Variants in PVT1 observed in about 807,000 individuals in gnomAD.
PVT1 encodes CXCR4/PVT1 fusion.
At chr8:127,848,349 G>A (rs1327697845) in intron 2 of PVT1, among the ~76,000 whole-genome samples, 1 of 151,806 alleles carries the variant, frequency 6.6e-6, no homozygotes, top group Non-Finnish European at 1.5e-5. Flanking sequence ...CCAGGAATTC[G>A]AGGCCAGCCT....
intron 3 of PVT1, among the ~76,000 whole-genome samples, chr8:127,897,651 C>CAGGA (rs1412868338): frequency 9.9e-6 from 1 of 101,324 alleles, no homozygotes; most frequent in Non-Finnish European, 2.0e-5. Flanking sequence ...GAAAGAAAGA[C>CAGGA]AGGAAGGAAG....
intron 2 of PVT1, among the ~76,000 whole-genome samples, chr8:127,883,018 T>C (rs567010727): frequency 6.6e-6 from 1 of 151,018 alleles, no homozygotes; most frequent in Admixed American, 6.6e-5. Context: ...CGCACACACA[T>C]GCCTGCACAC....
intron 3 of PVT1, among the ~76,000 whole-genome samples, chr8:127,930,766 G>A (rs1006692863): frequency 1.3e-5 from 2 of 151,716 alleles, no homozygotes; most frequent in African/African-American, 4.8e-5. Context: ...TACAGACTCC[G>A]CTGAGAACCC....
At chr8:127,869,835 G>T (rs1394579889) in intron 2 of PVT1, among the ~76,000 whole-genome samples, 1 of 152,080 alleles carries the variant, frequency 6.6e-6, no homozygotes, top group East Asian at 1.9e-4. Flanking sequence ...ATGGAGTCTC[G>T]CTCTGTCACT....
intron 3 of PVT1, among the ~76,000 whole-genome samples, chr8:127,941,382 C>A (rs756106517): frequency 7.2e-5 from 11 of 152,238 alleles, no homozygotes; most frequent in Non-Finnish European, 1.5e-4. Flanking sequence ...CAGGAAATTC[C>A]GACATGGGCA....
At chr8:128,031,162 T>A (rs1258159202) in intron 4 of PVT1, among the ~76,000 whole-genome samples, 1 of 151,678 alleles carries the variant, frequency 6.6e-6, no homozygotes, top group East Asian at 1.9e-4. Context: ...ACACCTGGAG[T>A]GGTTAGGAGG....
chr8:127,892,546 C>T (rs1481275769), intron 3 of PVT1, among the ~76,000 whole-genome samples: 2 of 152,166 alleles, frequency 1.3e-5, no homozygotes, highest in Non-Finnish European at 1.5e-5. Flanking sequence ...TACAGTTGAG[C>T]GCCTGGAGGC....
intron 3 of PVT1, among the ~76,000 whole-genome samples, chr8:127,944,412 C>T (rs1419099855): frequency 2.0e-5 from 3 of 152,180 alleles, no homozygotes; most frequent in African/African-American, 7.2e-5. Flanking sequence ...ATGGTGAGAC[C>T]TTGCCCAGCT....
intron 2 of PVT1, among the ~76,000 whole-genome samples, chr8:127,861,560 G>GT (rs11361006): frequency 0.017 from 2,473 of 149,240 alleles, 52 homozygotes; most frequent in African/African-American, 0.054. Flanking sequence ...TTTTTGACAT[G>GT]TTTTTTTTTT....
chr8:127,867,823 C>G (rs1815301211), intron 2 of PVT1, among the ~76,000 whole-genome samples: 1 of 152,054 alleles, frequency 6.6e-6, no homozygotes, highest in East Asian at 1.9e-4. Flanking sequence ...TCCCAGAGGC[C>G]CTAGGTCACT....
chr8:127,813,570 T>G (rs1349486033), intron 2 of PVT1, among the ~76,000 whole-genome samples: 1 of 152,108 alleles, frequency 6.6e-6, no homozygotes, highest in Non-Finnish European at 1.5e-5. Context: ...CTCCTCCCAC[T>G]CTAATAACAG....
chr8:127,817,904 T>C (rs1042248831), intron 2 of PVT1, among the ~76,000 whole-genome samples: 4 of 151,910 alleles, frequency 2.6e-5, no homozygotes, highest in African/African-American at 9.7e-5. Context: ...GTGTAGAGAT[T>C]AACTCGGAGC....
chr8:127,901,236 CT>C (rs926791873), intron 3 of PVT1, among the ~76,000 whole-genome samples: 1 of 152,126 alleles, frequency 6.6e-6, no homozygotes, highest in Non-Finnish European at 1.5e-5. Flanking sequence ...GGAAGTTGGG[CT>C]TGCTGCAGAG....
At chr8:127,832,091 T>C (rs1814856761) in intron 2 of PVT1, among the ~76,000 whole-genome samples, 1 of 150,628 alleles carries the variant, frequency 6.6e-6, no homozygotes, top group Admixed American at 6.6e-5. Context: ...ACGTCAAGTG[T>C]TTTTTTTTCA....
At chr8:127,913,223 G>A (rs912870055) in intron 3 of PVT1, among the ~76,000 whole-genome samples, 3 of 152,186 alleles carry the variant, frequency 2.0e-5, no homozygotes, top group African/African-American at 7.2e-5. Context: ...TGTTTTCATG[G>A]TGCCTGTGCC....
At chr8:128,056,060 CT>C (rs1424579530) in intron 4 of PVT1, among the ~76,000 whole-genome samples, 2 of 152,218 alleles carry the variant, frequency 1.3e-5, no homozygotes, top group African/African-American at 2.4e-5. Context: ...AGCTTCTACT[CT>C]GCTTAACCTC....
intron 2 of PVT1, among the ~76,000 whole-genome samples, chr8:127,861,775 G>A (rs751437464): frequency 3.3e-5 from 5 of 152,140 alleles, no homozygotes; most frequent in African/African-American, 4.8e-5. Flanking sequence ...AAAGCCCCTC[G>A]CTAGTACCAG....
chr8:128,016,531 C>T (rs1235377892), intron 4 of PVT1, among the ~76,000 whole-genome samples: 1 of 152,164 alleles, frequency 6.6e-6, no homozygotes, highest in Non-Finnish European at 1.5e-5. Flanking sequence ...TAGATCTCCA[C>T]CATGAATGGA....
At chr8:127,979,840 A>G (rs1816863365) in intron 3 of PVT1, among the ~76,000 whole-genome samples, 1 of 146,594 alleles carries the variant, frequency 6.8e-6, no homozygotes, top group African/African-American at 2.4e-5. Flanking sequence ...GCTTTAGAAG[A>G]AGCCTGGATG....
Sources: allele counts gnomAD v4.1 joint callset (sites outside exome capture counted in the v4.1 genomes callset), GRCh38; gene constraint gnomAD v4.1.1; transcripts MANE v1.5; gene names NCBI Gene and HGNC (gene_info 2026-07-23, HGNC 2026-07-21).